Variants in CCR3 observed in about 807,000 individuals in gnomAD.
The protein encoded by CCR3 is C-C chemokine receptor type 3.
For synonymous variants in CCR3, 203 were observed against 179.2 expected (o/e 1.13, Z -1.06); for missense variants, 419 against 437.5 (o/e 0.96, Z 0.38).
intron 2 of CCR3, among the ~76,000 whole-genome samples, chr3:46,230,733 G>A (rs553105084): frequency 3.9e-4 from 59 of 152,126 alleles, no homozygotes; most frequent in African/African-American, 1.2e-3. Context: ...CCCGTCCTCC[G>A]GATCACTGTC....
At chr3:46,251,780 G>A (rs1434333146) in intron 1 of CCR3, among the ~76,000 whole-genome samples, 1 of 152,108 alleles carries the variant, frequency 6.6e-6, no homozygotes, top group Non-Finnish European at 1.5e-5. Flanking sequence ...AGTCAAAGGG[G>A]GTTTGTTCTC....
rs567781475 is a variant in CCR3, at chr3:46,253,547, C to T, written c.-12+11009C>T. Among the ~76,000 whole-genome samples the T allele has an allele frequency of 4.6e-5, 7 of 152,242 alleles. No individual in the cohort carries two copies. In the East Asian group the frequency reaches 7.7e-4, roughly 17 times the overall value. Reference sequence around the variant, plus strand: ...GCCCTGGACATATTTGGACCACTTTCGGATGCTGTGAAATGATCCTTCCCA... The same window carrying T: ...GCCCTGGACATATTTGGACCACTTTTGGATGCTGTGAAATGATCCTTCCCA... On this transcript the variant is annotated intron_variant, in intron 1 of 1. Transcript: ENST00000395940.
intron 2 of CCR3, among the ~76,000 whole-genome samples, chr3:46,219,690 C>T (rs1699813172): frequency 6.6e-6 from 1 of 152,104 alleles, no homozygotes; most frequent in African/African-American, 2.4e-5. Flanking sequence ...AAGCCAAATA[C>T]TTACAACCAA....
intron 2 of CCR3, among the ~76,000 whole-genome samples, chr3:46,223,054 G>A (rs1699854674): frequency 6.6e-6 from 1 of 152,192 alleles, no homozygotes; most frequent in African/African-American, 2.4e-5. Flanking sequence ...TGCATGCCAA[G>A]TTTTAAAACT....
chr3:46,239,101 T>C (rs1015771678), upstream of CCR3, among the ~76,000 whole-genome samples: 1 of 152,222 alleles, frequency 6.6e-6, no homozygotes, highest in African/African-American at 2.4e-5. Flanking sequence ...CAATATGTTG[T>C]TAACTGAAAA....
chr3:46,265,127 A>G, intron 1 of CCR3, 21 bp from the exon 2 acceptor site: 2 of 1,474,702 alleles, frequency 1.4e-6, no homozygotes, highest in Non-Finnish European at 1.9e-6. Flanking sequence ...GTGGGATTGT[A>G]TTTTTCTTCT....
intron 2 of CCR3, among the ~76,000 whole-genome samples, chr3:46,235,513 T>A (rs964567950): frequency 2.0e-5 from 3 of 152,250 alleles, no homozygotes; most frequent in African/African-American, 7.2e-5. Context: ...ACATTGCTAA[T>A]AACTCACTGG....
chr3:46,259,293 GA>G (rs1430356792), intron 1 of CCR3, among the ~76,000 whole-genome samples: 1 of 152,150 alleles, frequency 6.6e-6, no homozygotes, highest in Non-Finnish European at 1.5e-5. Context: ...AAGCTTTCAG[GA>G]AAGCACCAGA....
At chr3:46,246,560 C>T (rs1022191012) in intron 1 of CCR3, among the ~76,000 whole-genome samples, 1 of 152,146 alleles carries the variant, frequency 6.6e-6, no homozygotes, top group African/African-American at 2.4e-5. Context: ...TCACTTAAGG[C>T]AAGGACCGGC....
At chr3:46,251,634 C>T (rs1559534733) in intron 1 of CCR3, among the ~76,000 whole-genome samples, 1 of 152,090 alleles carries the variant, frequency 6.6e-6, no homozygotes, top group Non-Finnish European at 1.5e-5. Flanking sequence ...GAAGAGACCA[C>T]CAAACAGGCT....
intron 1 of CCR3, among the ~76,000 whole-genome samples, chr3:46,259,187 G>A (rs1487007080): frequency 6.6e-6 from 1 of 152,144 alleles, no homozygotes; most frequent in Non-Finnish European, 1.5e-5. Flanking sequence ...GGACTGTAAG[G>A]CTAGAAACAA....
At chr3:46,218,730 T>A (rs1448452899) in intron 2 of CCR3, among the ~76,000 whole-genome samples, 1 of 152,076 alleles carries the variant, frequency 6.6e-6, no homozygotes, top group Non-Finnish European at 1.5e-5. Context: ...ACAAAAATCA[T>A]ATAATCATCT....
intron 1 of CCR3, among the ~76,000 whole-genome samples, chr3:46,256,490 T>C (rs1330297636): frequency 5.3e-5 from 8 of 152,262 alleles, no homozygotes; most frequent in Non-Finnish European, 8.8e-5. Flanking sequence ...TTAAAAGACA[T>C]TTATTTATAT....
chr3:46,248,340 G>A (rs1420510887), intron 1 of CCR3, among the ~76,000 whole-genome samples: 1 of 152,142 alleles, frequency 6.6e-6, no homozygotes, highest in African/African-American at 2.4e-5. Context: ...AGTGAGTTGA[G>A]CATAGTTTGT....
intron 1 of CCR3, among the ~76,000 whole-genome samples, chr3:46,243,235 G>T (rs911097780): frequency 6.6e-6 from 1 of 151,918 alleles, no homozygotes; most frequent in Admixed American, 6.6e-5. Context: ...TTCATGTGGA[G>T]TCAACATAGC....
chr3:46,242,982 C>CACATAT (rs146505046), intron 1 of CCR3, among the ~76,000 whole-genome samples: 4 of 99,322 alleles, frequency 4.0e-5, no homozygotes, highest in African/African-American at 4.6e-5. Flanking sequence ...TATATATACA[C>CACATAT]ATATATATAT....
In CCR3 at chr3:46,265,215, C is replaced by T. The variant is rs199797347; in HGVS notation, c.57C>T (p.Asp19=). ...ETFGTTSYYD[D]VGLLCEKADT... is the part of the protein sequence containing the mutation. ...TTGGTACCACATCCTACTATGATGA[C>T]GTGGGCCTGCTCTGTGAAAAAGCTG... Residue 19 remains aspartate (D), a synonymous_variant, in exon 2 of 2, where the codon GAC becomes GAT. Transcript: ENST00000395940. 74 of 1,613,778 alleles carry T rather than the reference C, an allele frequency of 4.6e-5. No homozygotes were observed. Among genetic ancestry groups the T allele is most frequent in the South Asian group, 8.8e-5 (8 of 91,072 alleles).
chr3:46,228,065 A>C (rs1699922786), intron 2 of CCR3, among the ~76,000 whole-genome samples: 1 of 152,112 alleles, frequency 6.6e-6, no homozygotes, highest in African/African-American at 2.4e-5. Context: ...GGAAGATAAC[A>C]TCCCACACTA....
At chr3:46,227,743 T>A (rs11922302) in intron 2 of CCR3, among the ~76,000 whole-genome samples, 5,327 of 152,256 alleles carry the variant, frequency 0.035, 260 homozygotes, top group African/African-American at 0.11. Context: ...TAGTTCTGTA[T>A]ATTTTTAAAT....
Sources: allele counts gnomAD v4.1 joint callset (sites outside exome capture counted in the v4.1 genomes callset), GRCh38; gene constraint gnomAD v4.1.1; transcripts MANE v1.5; gene names NCBI Gene and HGNC (gene_info 2026-07-23, HGNC 2026-07-21).